Variants in TMEM170A observed in about 807,000 individuals in gnomAD.
TMEM170A encodes the protein transmembrane protein 170.
In TMEM170A, 18 loss-of-function variants were observed where a neutral mutation model predicts 12.8. The observed-to-expected ratio is 1.41, with a 90% CI of 0.97 to 2.09. The LOEUF (loss-of-function observed/expected upper bound fraction) is 2.09. Among genes scored for constraint, TMEM170A ranks in the 30% most tolerant of loss-of-function variants. The pLI is 0.00. For synonymous variants in TMEM170A, 107 were observed against 76.2 expected (o/e 1.40, Z -2.11); for missense variants, 220 against 179.9 (o/e 1.22, Z -1.28).
At chr16:75,464,312 G>A (rs1339944662) in intron 1 of TMEM170A, 156 bp downstream of exon 1, 11 of 1,455,684 alleles carry the variant, frequency 7.6e-6, no homozygotes, top group African/African-American at 5.9e-5. Context: ...GATGGGGAAA[G>A]GGGCTCCGGG....
rs2079588505 is a variant in TMEM170A at position 75,446,482 on chromosome 16, G to A, written c.*1076C>T. ...TTCTTTTGAATAAAAATGTAAAGGG[G>A]AGAGTGGGTACATATCTGAACATTA... is the stretch of plus-strand genomic sequence containing the variant. On this transcript the variant is annotated 3_prime_UTR_variant, in exon 3 of 3. Transcript: ENST00000561878. The A allele has an allele frequency of 6.6e-6, 1 of 152,144 alleles. No individual in the cohort carries two copies. Among genetic ancestry groups the A allele is most frequent in the Non-Finnish European group, 1.5e-5 (1 of 68,022 alleles). The allele number at this position is 152,144 out of a possible 1,614,324, so 9.4% of individuals were successfully genotyped here. A position where few individuals can be genotyped will look rare whatever the true frequency, so the allele number is the denominator to read the frequency against.
Position 75,443,443 on chromosome 16 carries a change from CACG to C in TMEM170A, c.*4112_*4114del, listed in dbSNP as rs888071924. ...AGTGCACAAAAAAGAAATGCAAGTA[CACG>C]ACATTTCTGCATATGGTCTGCTAAT... On this transcript the variant is annotated 3_prime_UTR_variant, in exon 3 of 3. Coordinates refer to ENST00000561878, the MANE Select transcript of TMEM170A (RefSeq NM_145254.3). The C allele has an allele frequency of 3.9e-5, 6 of 152,146 alleles. No individual in the cohort carries two copies. Among genetic ancestry groups the C allele is most frequent in the Admixed American group, 2.0e-4 (3 of 15,250 alleles). The allele number at this position is 152,146 out of a possible 1,614,324, so 9.4% of individuals were successfully genotyped here.
rs898525174 is a variant in TMEM170A, at chr16:75,443,844, G to A, written c.*3714C>T. The A allele has an allele frequency of 1.2e-4, 18 of 152,132 alleles. No individual in the cohort carries two copies. The highest frequency in any genetic ancestry group is 3.1e-4 in the African/African-American group (13 of 41,428). The allele number at this position is 152,132 out of a possible 1,614,324, so 9.4% of individuals were successfully genotyped here. A position where few individuals can be genotyped will look rare whatever the true frequency, so the allele number is the denominator to read the frequency against. ...TGGCTCATGTCTATAGTCCCATCAC[G>A]TTGGGAGGCCGAGGCGGGTGGATCA... On this transcript the variant is annotated 3_prime_UTR_variant, in exon 3 of 3. Coordinates refer to ENST00000561878, the MANE Select transcript of TMEM170A (RefSeq NM_145254.3).
chr16:75,457,168 T>G (rs1249300599), intron 1 of TMEM170A, among the ~76,000 whole-genome samples: 1 of 152,120 alleles, frequency 6.6e-6, no homozygotes, highest in Non-Finnish European at 1.5e-5. Flanking sequence ...GCCAGAGTTT[T>G]AGAGAGAAGC....
rs539262230 is a variant in TMEM170A, at chr16:75,444,887, T to A, written c.*2671A>T. ...TTCAAAATGCCCTAATTTTAAGTCT[T>A]AGCTCCAGTGAAAAATATCTAACAT... On this transcript the variant is annotated 3_prime_UTR_variant, in exon 3 of 3. Transcript: ENST00000561878. 7.9e-5 allele frequency: 12 copies of A among 152,324 alleles called. No individual in the cohort carries two copies. The highest frequency in any genetic ancestry group is 6.5e-4 in the Admixed American group (10 of 15,292). The allele number at this position is 152,324 out of a possible 1,614,324, so 9.4% of individuals were successfully genotyped here.
At position 75,445,113 on chromosome 16, in the gene TMEM170A, A is replaced by T. The variant is rs1258295343; in HGVS notation, c.*2445T>A. 2 of 152,222 alleles carry T rather than the reference A, an allele frequency of 1.3e-5. No homozygotes were observed. The highest frequency in any genetic ancestry group is 1.9e-4 in the East Asian group (1 of 5,198). The allele number at this position is 152,222 out of a possible 1,614,324, so 9.4% of individuals were successfully genotyped here. A position where few individuals can be genotyped will look rare whatever the true frequency, so the allele number is the denominator to read the frequency against. ...CCATAAGAAAAGTTACCAATTCCCC[A>T]GATTTCTTAAACTGAAGGGATACTT... is the stretch of plus-strand genomic sequence containing the variant. On this transcript the variant is annotated 3_prime_UTR_variant, in exon 3 of 3. Coordinates refer to ENST00000561878, the MANE Select transcript of TMEM170A (RefSeq NM_145254.3).
chr16:75,464,666 A>ACTCACCCTCGCCGC lies in TMEM170A; in HGVS notation c.-80_-67dup. 4 of 1,525,036 alleles carry ACTCACCCTCGCCGC rather than the reference A, an allele frequency of 2.6e-6. No individual in the cohort carries two copies. Among genetic ancestry groups the ACTCACCCTCGCCGC allele is most frequent in the South Asian group, 1.2e-5 (1 of 82,606 alleles). 94.5% of individuals were successfully genotyped at this position (1,525,036 alleles called of 1,614,324 possible). ...CGAAGTGCGGTAGCGGCCGGCGCCG[A>ACTCACCCTCGCCGC]CTCACCCTCGCCGCCTCAGCGTCAC... On this transcript the variant is annotated 5_prime_UTR_variant, in exon 1 of 3. Transcript: ENST00000561878.
chr16:75,459,074 A>G (rs960426938), intron 1 of TMEM170A: 1 of 152,112 alleles, frequency 6.6e-6, no homozygotes, highest in African/African-American at 2.4e-5. Context: ...TTGTATTTTT[A>G]GTAGAGATGG....
At chr16:75,450,534 C>T (rs2079664091) in intron 2 of TMEM170A, among the ~76,000 whole-genome samples, 1 of 152,104 alleles carries the variant, frequency 6.6e-6, no homozygotes, top group African/African-American at 2.4e-5. Flanking sequence ...AAAGCCATAA[C>T]AAACCAAACG....
rs560675754 is a variant in TMEM170A at position 75,445,072 on chromosome 16, T to C, written c.*2486A>G. 6.6e-6 allele frequency: 1 copy of C among 152,332 alleles called. No individual in the cohort carries two copies. Among genetic ancestry groups the C allele is most frequent in the South Asian group, 2.1e-4 (1 of 4,828 alleles). 9.4% of individuals were successfully genotyped at this position (152,332 alleles called of 1,614,324 possible). A position where few individuals can be genotyped will look rare whatever the true frequency, so the allele number is the denominator to read the frequency against. ...AGTAAGAGGCATCCTTCAGTAGAGA[T>C]GATGGCAATCATTTCCCATAAGAAA... On this transcript the variant is annotated 3_prime_UTR_variant, in exon 3 of 3. Transcript: ENST00000561878.
At chr16:75,464,085 A>T in intron 1 of TMEM170A, 1 of 848,734 alleles carries the variant, frequency 1.2e-6, no homozygotes, top group Non-Finnish European at 1.8e-6. Context: ...CCCTCGAAGG[A>T]GGCCGGGCGC....
At chr16:75,463,948 G>T (rs759553952) in intron 1 of TMEM170A, among the ~76,000 whole-genome samples, 1 of 152,268 alleles carries the variant, frequency 6.6e-6, no homozygotes, top group African/African-American at 2.4e-5. Context: ...GGTCTCGGAG[G>T]GGGAGGATTT....
upstream of TMEM170A, chr16:75,464,720 C>A: frequency 7.3e-7 from 1 of 1,364,086 alleles, no homozygotes; most frequent in Non-Finnish European, 9.6e-7. Flanking sequence ...TCCCCCAATC[C>A]CAACGGCGCT....
In TMEM170A at chr16:75,443,772, T is replaced by G. The variant is rs1229910431; in HGVS notation, c.*3786A>C. On this transcript the variant is annotated 3_prime_UTR_variant, in exon 3 of 3. Transcript: ENST00000561878. ...ATGAACTTAAGTTTTCATGAAATGCTTTCACCTCAAAACCCCGTATTCAAG... is the reference window on the plus strand; with the variant it reads ...ATGAACTTAAGTTTTCATGAAATGCGTTCACCTCAAAACCCCGTATTCAAG... 1 of 152,156 alleles carries G rather than the reference T, an allele frequency of 6.6e-6. No homozygotes were observed. Among genetic ancestry groups the G allele is most frequent in the East Asian group, 1.9e-4 (1 of 5,198 alleles). The allele number at this position is 152,156 out of a possible 1,614,324, so 9.4% of individuals were successfully genotyped here.
intron 2 of TMEM170A, among the ~76,000 whole-genome samples, chr16:75,449,119 T>C (rs1408615071): frequency 6.6e-6 from 1 of 151,914 alleles, no homozygotes; most frequent in African/African-American, 2.4e-5. Context: ...TAGATCCAGA[T>C]TTCCCAGATG....
chr16:75,461,864 TTTCAGAAAAAAGTTCTGAAAGTAAAACAA>T (rs1276201025), intron 1 of TMEM170A, among the ~76,000 whole-genome samples: 2 of 152,218 alleles, frequency 1.3e-5, no homozygotes, highest in African/African-American at 4.8e-5. Flanking sequence ...AGTTTAATAT[TTTCAGAAAAAAGTTCTGAAAGTAAAACAA>T]TTCACATGGC....
chr16:75,452,045 C>T (rs948006512), intron 1 of TMEM170A, among the ~76,000 whole-genome samples: 2 of 152,140 alleles, frequency 1.3e-5, no homozygotes, highest in Non-Finnish European at 2.9e-5. Context: ...GATCTCGGCT[C>T]ACTGCAAGCT....
At chr16:75,464,313 G>C in intron 1 of TMEM170A, 155 bp downstream of exon 1, 1 of 1,454,874 alleles carries the variant, frequency 6.9e-7, no homozygotes, top group Non-Finnish European at 9.0e-7. Context: ...ATGGGGAAAG[G>C]GGCTCCGGGC....
At chr16:75,453,184 AAC>A (rs2079720020) in intron 1 of TMEM170A, among the ~76,000 whole-genome samples, 1 of 152,226 alleles carries the variant, frequency 6.6e-6, no homozygotes, top group African/African-American at 2.4e-5. Context: ...CTGTAATCCC[AAC>A]ACTTCAGGTG....
Sources: allele counts gnomAD v4.1 joint callset (sites outside exome capture counted in the v4.1 genomes callset), GRCh38; gene constraint gnomAD v4.1.1; transcripts MANE v1.5; gene names NCBI Gene and HGNC (gene_info 2026-07-23, HGNC 2026-07-21).